Variants in MAN2A1 observed in about 807,000 individuals in gnomAD.
MAN2A1 encodes the protein alpha-mannosidase 2.
In MAN2A1, 76 loss-of-function variants were observed where a neutral mutation model predicts 142.6. The observed-to-expected ratio is 0.53, with a 90% CI of 0.44 to 0.65. MAN2A1 has a LOEUF of 0.65. Ranked by LOEUF, MAN2A1 falls within the 30% of genes least tolerant of loss-of-function variation. The probability of loss-of-function intolerance (pLI) is 0.00; values close to 1 mark genes in which losing one functional copy is unlikely to be tolerated. For synonymous variants in MAN2A1, 559 were observed against 473.2 expected (o/e 1.18, Z -2.35); for missense variants, 1,311 against 1,365.1 (o/e 0.96, Z 0.62).
At chr5:109,737,092 CTTTTTT>C (rs10686903) in intron 4 of MAN2A1, among the ~76,000 whole-genome samples, 1 of 112,150 alleles carries the variant, frequency 8.9e-6, no homozygotes, top group African/African-American at 3.4e-5. Context: ...ACTGTATACT[CTTTTTT>C]TTTTTTTTTT....
At chr5:109,721,571 C>A (rs905217167) in intron 3 of MAN2A1, among the ~76,000 whole-genome samples, 15 of 152,160 alleles carry the variant, frequency 9.9e-5, no homozygotes, top group African/African-American at 3.4e-4. Context: ...TTTTATCTGA[C>A]AACCTTAATT....
chr5:109,697,200 C>T (rs1365706355), intron 1 of MAN2A1, among the ~76,000 whole-genome samples: 1 of 152,150 alleles, frequency 6.6e-6, no homozygotes, highest in African/African-American at 2.4e-5. Context: ...GAAATGTCTG[C>T]AGTTTTCTCA....
In MAN2A1 at chr5:109,868,851, T is replaced by C. The variant is rs189330352; in HGVS notation, c.*1853T>C. ...TGAGATCAGTATTTTCATTGCATCTTAAATGTATAACCTTCCTGTGGGAGT... is the reference window on the plus strand; with the variant it reads ...TGAGATCAGTATTTTCATTGCATCTCAAATGTATAACCTTCCTGTGGGAGT... On this transcript the variant is annotated 3_prime_UTR_variant, in exon 22 of 22. Transcript: ENST00000261483. 6.6e-6 allele frequency: 1 copy of C among 152,322 alleles called. No homozygotes were observed. The highest frequency in any genetic ancestry group is 6.5e-5 in the Admixed American group (1 of 15,300). The allele number at this position is 152,322 out of a possible 1,614,324, so 9.4% of individuals were successfully genotyped here. A position where few individuals can be genotyped will look rare whatever the true frequency, so the allele number is the denominator to read the frequency against.
At chr5:109,692,271 A>G (rs543189410) in intron 1 of MAN2A1, among the ~76,000 whole-genome samples, 1 of 152,236 alleles carries the variant, frequency 6.6e-6, no homozygotes, top group Non-Finnish European at 1.5e-5. Context: ...TTTAAGCGTA[A>G]AGCATTTGAT....
intron 16 of MAN2A1, among the ~76,000 whole-genome samples, chr5:109,841,087 AT>A (rs1359673855): frequency 2.0e-5 from 3 of 152,068 alleles, no homozygotes. Context: ...CTTTCTTCTT[AT>A]GACCACTTTC....
At chr5:109,728,843 G>T (rs1474812998) in intron 3 of MAN2A1, among the ~76,000 whole-genome samples, 1 of 152,120 alleles carries the variant, frequency 6.6e-6, no homozygotes, top group Non-Finnish European at 1.5e-5. Flanking sequence ...TTGGTCTGCT[G>T]AAAGCTTTTA....
At chr5:109,750,395 A>T (rs1375142533) in intron 4 of MAN2A1, among the ~76,000 whole-genome samples, 1 of 151,884 alleles carries the variant, frequency 6.6e-6, no homozygotes, top group Non-Finnish European at 1.5e-5. Context: ...ATTCTTGTGG[A>T]TGGATTAGAG....
In MAN2A1 at chr5:109,690,012, C is replaced by T. The variant is rs1750616202; in HGVS notation, c.-406C>T. The T allele has an allele frequency of 4.7e-6, 1 of 214,050 alleles. No homozygotes were observed. Among genetic ancestry groups the T allele is most frequent in the Non-Finnish European group, 9.5e-6 (1 of 105,176 alleles). The allele number at this position is 214,050 out of a possible 1,614,324, so 13.3% of individuals were successfully genotyped here. A position where few individuals can be genotyped will look rare whatever the true frequency, so the allele number is the denominator to read the frequency against. ...GCGCCTCCCCTGGGTGAGGAGGACA[C>T]GCCTGCCCTCGTCGAGAAAACTTTT... On this transcript the variant is annotated 5_prime_UTR_variant, in exon 1 of 22. In the 5' UTR this introduces an upstream ATG that the reference lacks. Coordinates refer to ENST00000261483, the MANE Select transcript of MAN2A1 (RefSeq NM_002372.4).
At chr5:109,838,364 T>C (rs977867040) in intron 16 of MAN2A1, among the ~76,000 whole-genome samples, 15 of 152,162 alleles carry the variant, frequency 9.9e-5, no homozygotes, top group Non-Finnish European at 2.2e-4. Flanking sequence ...TAAAGAGAAG[T>C]CTAAGTCCCC....
intron 10 of MAN2A1, among the ~76,000 whole-genome samples, chr5:109,786,055 A>G (rs1459302528): frequency 2.6e-5 from 4 of 152,064 alleles, no homozygotes; most frequent in African/African-American, 9.7e-5. Context: ...TTGGGTTTTC[A>G]TTAGTTGATT....
intron 3 of MAN2A1, among the ~76,000 whole-genome samples, chr5:109,727,753 G>A (rs994579652): frequency 5.9e-5 from 9 of 152,296 alleles, no homozygotes; most frequent in African/African-American, 2.2e-4. Context: ...ACTTGGTAGT[G>A]TTGGTATGGT....
intron 9 of MAN2A1, 71 bp from the exon 10 acceptor site, chr5:109,784,673 A>C (rs1451921678): frequency 2.6e-5 from 31 of 1,202,330 alleles, no homozygotes; most frequent in Non-Finnish European, 3.5e-5. Context: ...GTAAAGTATC[A>C]ATGTCACAAG....
intron 12 of MAN2A1, among the ~76,000 whole-genome samples, chr5:109,796,782 C>T (rs569134493): frequency 1.3e-5 from 2 of 152,292 alleles, no homozygotes; most frequent in East Asian, 1.9e-4. Context: ...TGGAAACTTG[C>T]GATCAGGCTG....
intron 12 of MAN2A1, among the ~76,000 whole-genome samples, chr5:109,798,155 T>C (rs1361727120): frequency 2.6e-5 from 4 of 152,200 alleles, no homozygotes; most frequent in African/African-American, 9.6e-5. Context: ...TTAGTTTTGA[T>C]AGAATTTAAC....
intron 8 of MAN2A1, among the ~76,000 whole-genome samples, chr5:109,777,003 T>C (rs1753311241): frequency 6.6e-6 from 1 of 152,178 alleles, no homozygotes; most frequent in South Asian, 2.1e-4. Flanking sequence ...TGTATTGTTA[T>C]TGGGTATTTG....
intron 17 of MAN2A1, among the ~76,000 whole-genome samples, chr5:109,845,396 T>G (rs1344119915): frequency 7.2e-5 from 11 of 152,114 alleles, no homozygotes; most frequent in Admixed American, 7.2e-4. Flanking sequence ...ACATAATATC[T>G]TAGAAGATTT....
At chr5:109,846,847 C>G (rs1755356336) in intron 18 of MAN2A1, among the ~76,000 whole-genome samples, 1 of 152,068 alleles carries the variant, frequency 6.6e-6, no homozygotes, top group Admixed American at 6.6e-5. Context: ...TAAACTCATG[C>G]CATAAAGACA....
intron 1 of MAN2A1, among the ~76,000 whole-genome samples, chr5:109,691,355 G>A (rs982095197): frequency 6.6e-6 from 1 of 152,214 alleles, no homozygotes; most frequent in Non-Finnish European, 1.5e-5. Flanking sequence ...TGCGAGTTCA[G>A]TTTCAAGTTA....
At chr5:109,742,509 T>G (rs1211216933) in intron 4 of MAN2A1, among the ~76,000 whole-genome samples, 1 of 152,226 alleles carries the variant, frequency 6.6e-6, no homozygotes, top group African/African-American at 2.4e-5. Context: ...TATCTCTGCT[T>G]GCTTCTTGAA....
Sources: gnomAD v4.1 joint callset for allele counts (sites outside exome capture counted in the v4.1 genomes callset) on GRCh38, gnomAD v4.1.1 for gene constraint, MANE v1.5 for transcripts, NCBI Gene and HGNC (gene_info 2026-07-23, HGNC 2026-07-21) for gene names.